Variants in RPP30 observed in about 807,000 individuals in gnomAD.
The protein encoded by RPP30 is ribonuclease P protein subunit p30.
Under a neutral mutation model 38.6 loss-of-function variants are expected in RPP30, and 36 were observed. The observed-to-expected ratio is 0.93, with a 90% CI of 0.71 to 1.23. The LOEUF (loss-of-function observed/expected upper bound fraction) is 1.23. Ranked by LOEUF, RPP30 falls within the 50% of genes most tolerant of loss-of-function variation. RPP30 has a pLI of 0.00. For missense variants in RPP30, 321 were observed against 321.7 expected (o/e 1.00, Z 0.02); for synonymous variants, 126 against 112.7 (o/e 1.12, Z -0.75).
rs917975354 is a variant in RPP30 at position 90,901,736 on chromosome 10, A to G, written c.*1057A>G. On this transcript the variant is annotated 3_prime_UTR_variant, in exon 11 of 11. Transcript: ENST00000371703. The stretch of plus-strand genomic sequence containing the variant: ...ATATTAATGTAAGGGCTCTAAAACA[A>G]TGGAGTAGAGCCAGAGGTATAACTG... 3.0e-6 allele frequency: 3 copies of G among 983,740 alleles called. No homozygotes were observed. The African/African-American group carries it at 5.2e-5, about 17-fold the overall frequency. The allele number at this position is 983,740 out of a possible 1,614,324, so 60.9% of individuals were successfully genotyped here.
rs140972342 is a variant in RPP30 at position 90,874,918 on chromosome 10, G to T, written c.132G>T (p.Lys44Asn). 1.3e-5 allele frequency: 21 copies of T among 1,563,468 alleles called. No individual in the cohort carries two copies. The African/African-American group carries it at 2.2e-4, about 16-fold the overall frequency. Residue 44 changes from lysine to asparagine, a missense_variant, in exon 2 of 11, where the codon AAG becomes AAT. Coordinates refer to ENST00000371703, the MANE Select transcript of RPP30 (RefSeq NM_006413.5). ...AINHIVDFKEKKQEIEKPVAV... is the reference protein window; with the variant it reads ...AINHIVDFKENKQEIEKPVAV... ...ATCATATCGTTGACTTTAAGGAAAA[G>T]AAACAGGTAAAATAATATTTCTAAA...
At chr10:90,878,029 A>G (rs1846874098) in intron 4 of RPP30, among the ~76,000 whole-genome samples, 1 of 152,216 alleles carries the variant, frequency 6.6e-6, no homozygotes, top group Non-Finnish European at 1.5e-5. Context: ...CCTGCAAGGC[A>G]GCATTCTGGT....
chr10:90,877,185 AC>A (rs1340008192), intron 4 of RPP30, among the ~76,000 whole-genome samples: 1 of 152,052 alleles, frequency 6.6e-6, no homozygotes, highest in African/African-American at 2.4e-5. Context: ...GCTGGCGGGT[AC>A]CTGTAATCCC....
chr10:90,898,350 A>G (rs914563015), intron 10 of RPP30, among the ~76,000 whole-genome samples: 5 of 152,192 alleles, frequency 3.3e-5, no homozygotes, highest in African/African-American at 1.2e-4. Context: ...AGAGAGTCCT[A>G]AACTAGATGA....
At chr10:90,903,404 A>G, downstream of RPP30, 6 of 598,354 alleles carry the variant, frequency 1.0e-5, no homozygotes, top group South Asian at 1.4e-4. Flanking sequence ...TGCACCAGAT[A>G]CAGTAAGATT....
Position 90,881,875 on chromosome 10 carries a change from CACAG to C in RPP30, c.342+2749_342+2752del, listed in dbSNP as rs533129048. On this transcript the variant is annotated intron_variant, in intron 5 of 10. Transcript: ENST00000371703. ...CAAGATGAGTCATCAAGCATACACACACAGACAGACACATGTTTATGTCAATAGT... is the reference window on the plus strand; with the variant it reads ...CAAGATGAGTCATCAAGCATACACACACAGACACATGTTTATGTCAATAGT... Among the ~76,000 whole-genome samples, 12 of 152,292 alleles carry C rather than the reference CACAG, an allele frequency of 7.9e-5. No homozygotes were observed. In the East Asian group the frequency reaches 9.6e-4, roughly 12 times the overall value.
At chr10:90,888,929 A>G (rs1316911403) in intron 6 of RPP30, among the ~76,000 whole-genome samples, 1 of 152,210 alleles carries the variant, frequency 6.6e-6, no homozygotes, top group South Asian at 2.1e-4. Flanking sequence ...TGGAGTGGAA[A>G]GAAAGGCTGC....
Position 90,902,190 on chromosome 10 carries a change from T to C in RPP30, c.*1511T>C. 1.2e-6 allele frequency: 1 copy of C among 864,796 alleles called. No individual in the cohort carries two copies. Among genetic ancestry groups the C allele is most frequent in the Non-Finnish European group, 1.4e-6 (1 of 714,336 alleles). The allele number at this position is 864,796 out of a possible 1,614,324, so 53.6% of individuals were successfully genotyped here. On this transcript the variant is annotated 3_prime_UTR_variant, in exon 11 of 11. Transcript: ENST00000371703. ...ATATTGATTAAAAAAACATTAAAAG[T>C]GCATCATGACCAGGTGAAATTTATT...
At chr10:90,872,607 G>A (rs552463395) in intron 1 of RPP30, among the ~76,000 whole-genome samples, 1 of 152,290 alleles carries the variant, frequency 6.6e-6, no homozygotes, top group African/African-American at 2.4e-5. Context: ...CCAAATCGAA[G>A]GGAAGCGAAA....
intron 5 of RPP30, 57 bp from the exon 6 acceptor site, chr10:90,885,755 C>A: frequency 1.9e-6 from 2 of 1,050,422 alleles, no homozygotes; most frequent in South Asian, 1.3e-5. Flanking sequence ...CCCTATCTCC[C>A]ATTCTTACTT....
intron 6 of RPP30, among the ~76,000 whole-genome samples, chr10:90,892,822 C>T (rs940014812): frequency 6.6e-6 from 1 of 152,132 alleles, no homozygotes; most frequent in Non-Finnish European, 1.5e-5. Context: ...CACCGAGGTT[C>T]CTTTGATGAT....
chr10:90,895,601 CATTTG>C (rs1847130633), intron 8 of RPP30, 118 bp downstream of exon 8: 6 of 617,134 alleles, frequency 9.7e-6, no homozygotes, highest in Non-Finnish European at 1.6e-5. Context: ...ATTTTAACTG[CATTTG>C]CTCATTGTAA....
chr10:90,879,436 C>G (rs1846895380), intron 5 of RPP30, among the ~76,000 whole-genome samples: 2 of 152,272 alleles, frequency 1.3e-5, no homozygotes, highest in South Asian at 4.1e-4. Flanking sequence ...GTTGATCCAT[C>G]TCTTTCTAGC....
chr10:90,874,323 G>A (rs1044221770), intron 1 of RPP30, among the ~76,000 whole-genome samples: 4 of 152,116 alleles, frequency 2.6e-5, no homozygotes, highest in South Asian at 2.1e-4. Context: ...AATGGGAAGC[G>A]GGCAGTGGTG....
Position 90,895,465 on chromosome 10 carries a change from A to G in RPP30, c.561A>G (p.Ile187Met), listed in dbSNP as rs1310837333. 8 of 1,424,532 alleles carry G rather than the reference A, an allele frequency of 5.6e-6. No homozygotes were observed. The highest frequency in any genetic ancestry group is 7.4e-6 in the Non-Finnish European group (8 of 1,075,518). The allele number at this position is 1,424,532 out of a possible 1,614,324, so 88.2% of individuals were successfully genotyped here. A position where few individuals can be genotyped will look rare whatever the true frequency, so the allele number is the denominator to read the frequency against. Residue 187 changes from isoleucine to methionine, a missense_variant, in exon 8 of 11, where the codon ATA (isoleucine) becomes ATG (methionine). Ile to Met is a conservative substitution (Grantham distance 10). Coordinates refer to ENST00000371703, the MANE Select transcript of RPP30 (RefSeq NM_006413.5). ...TTTCTATTTTGTAGAATGTAATTAT[A>G]TCTAGTGCTGCAGAAAGGGTAAGTC... Reference protein sequence around the residue: ...MQICKGKNVIISSAAERPLEI... With the variant: ...MQICKGKNVIMSSAAERPLEI...
At chr10:90,877,252 C>T (rs1051378675) in intron 4 of RPP30, among the ~76,000 whole-genome samples, 3 of 151,846 alleles carry the variant, frequency 2.0e-5, no homozygotes, top group African/African-American at 7.3e-5. Context: ...GCAGAGGTTG[C>T]AGTGAGATCA....
intron 6 of RPP30, among the ~76,000 whole-genome samples, chr10:90,890,169 G>A (rs1847059070): frequency 6.6e-6 from 1 of 152,154 alleles, no homozygotes; most frequent in Non-Finnish European, 1.5e-5. Context: ...CAAATCTGCT[G>A]TTATTTCCTA....
intron 2 of RPP30, among the ~76,000 whole-genome samples, 200 bp downstream of exon 2, chr10:90,875,124 T>C (rs184621195): frequency 2.0e-5 from 3 of 152,324 alleles, no homozygotes; most frequent in African/African-American, 7.2e-5. Context: ...TATGACATAG[T>C]GTTCAGGATT....
chr10:90,872,175 T>A, intron 1 of RPP30, 107 bp downstream of exon 1: 11 of 944,758 alleles, frequency 1.2e-5, no homozygotes, highest in Non-Finnish European at 1.7e-5. Context: ...TCTCCCAGAG[T>A]CTCTGGGATG....
Sources: allele counts gnomAD v4.1 joint callset (sites outside exome capture counted in the v4.1 genomes callset), GRCh38; gene constraint gnomAD v4.1.1; transcripts MANE v1.5; gene names NCBI Gene and HGNC (gene_info 2026-07-23, HGNC 2026-07-21).